The following MANEA variants were observed in gnomAD, a reference collection of about 807,000 sequenced individuals.
MANEA encodes mannosidase endo-alpha.
In MANEA, 25 loss-of-function variants were observed where a neutral mutation model predicts 36.8. That is an observed-to-expected ratio of 0.68 (90% CI 0.50 to 0.95). MANEA has a LOEUF of 0.95. Ranked by LOEUF, MANEA falls within the 40% of genes least tolerant of loss-of-function variation. MANEA has a pLI of 0.00. For synonymous variants in MANEA, 198 were observed against 188.5 expected (o/e 1.05, Z -0.41); for missense variants, 565 against 558.8 (o/e 1.01, Z -0.11).
At chr6:95,584,546 A>G (rs1769244557) in intron 1 of MANEA, among the ~76,000 whole-genome samples, 1 of 152,128 alleles carries the variant, frequency 6.6e-6, no homozygotes, top group Non-Finnish European at 1.5e-5. Flanking sequence ...GTTGTTTAAG[A>G]TGTTTATCAA....
intron 2 of MANEA, 57 bp downstream of exon 2, chr6:95,587,040 A>AT: frequency 9.9e-7 from 1 of 1,011,378 alleles, no homozygotes; most frequent in Non-Finnish European, 1.5e-6. Flanking sequence ...CATATAAATG[A>AT]TTTTTTGTGT....
intron 3 of MANEA, among the ~76,000 whole-genome samples, chr6:95,598,756 A>G (rs1486422110): frequency 6.6e-6 from 1 of 152,280 alleles, no homozygotes; most frequent in African/African-American, 2.4e-5. Flanking sequence ...TTATTCCACA[A>G]TAGCACAATT....
intron 3 of MANEA, among the ~76,000 whole-genome samples, chr6:95,598,606 C>A (rs1259155244): frequency 6.6e-6 from 1 of 151,900 alleles, no homozygotes; most frequent in Non-Finnish European, 1.5e-5. Flanking sequence ...CGTGTTAATA[C>A]TTCTGTCCCA....
chr6:95,586,999 A>G lies in MANEA; in HGVS notation c.544+16A>G, dbSNP rs1455385791. On this transcript the variant is annotated intron_variant, in intron 2 of 4. Coordinates refer to ENST00000358812, the MANE Select transcript of MANEA (RefSeq NM_024641.4). ...GCTTCAATTGGTAATTATTGTATAT[A>G]TATATATGTGTGTTTGTGTCTGTAT... 7.0e-7 allele frequency: 1 copy of G among 1,421,958 alleles called. No individual in the cohort carries two copies. Among genetic ancestry groups the G allele is most frequent in the Non-Finnish European group, 9.7e-7 (1 of 1,026,554 alleles). 88.1% of individuals were successfully genotyped at this position (1,421,958 alleles called of 1,614,324 possible). A position where few individuals can be genotyped will look rare whatever the true frequency, so the allele number is the denominator to read the frequency against.
intron 3 of MANEA, among the ~76,000 whole-genome samples, chr6:95,598,000 CTA>C (rs1377614464): frequency 1.3e-5 from 2 of 151,666 alleles, no homozygotes; most frequent in African/African-American, 2.4e-5. Flanking sequence ...TTATATCAGT[CTA>C]TTTAAAATTT....
At chr6:95,593,991 G>A (rs907230534) in intron 2 of MANEA, among the ~76,000 whole-genome samples, 5 of 152,094 alleles carry the variant, frequency 3.3e-5, no homozygotes, top group Non-Finnish European at 7.4e-5. Flanking sequence ...GAACCTGGGA[G>A]GCGGAGGTTG....
intron 3 of MANEA, among the ~76,000 whole-genome samples, chr6:95,598,105 G>A (rs917957953): frequency 7.2e-5 from 11 of 151,942 alleles, no homozygotes; most frequent in South Asian, 2.1e-4. Context: ...AGAAAAAAAC[G>A]TATAAAAGAT....
chr6:95,596,839 A>G lies in MANEA; in HGVS notation c.647A>G (p.Asn216Ser). ...ATTTTGGATAAAGCTCATAAATATA[A>G]CCTAAAGGTATTTTATTTTATTTTC... ...PTILDKAHKY[N>S]LKVTFHIEPY... The change falls in exon 3 of 5, where the codon AAC becomes AGC. Residue 216 changes from asparagine to serine, a missense_variant. Transcript: ENST00000358812. 1 of 1,474,012 alleles carries G rather than the reference A, an allele frequency of 6.8e-7. No individual in the cohort carries two copies. Among genetic ancestry groups the G allele is most frequent in the East Asian group, 2.3e-5 (1 of 44,052 alleles). 91.3% of individuals were successfully genotyped at this position (1,474,012 alleles called of 1,614,324 possible).
At chr6:95,588,197 GC>G (rs1011436345) in intron 2 of MANEA, 1 of 151,870 alleles carries the variant, frequency 6.6e-6, no homozygotes, top group Non-Finnish European at 1.5e-5. Flanking sequence ...TCTTTTTAGT[GC>G]CCCTACCAGT....
chr6:95,598,499 AG>A (rs1342550054), intron 3 of MANEA, among the ~76,000 whole-genome samples: 1 of 152,214 alleles, frequency 6.6e-6, no homozygotes, highest in Non-Finnish European at 1.5e-5. Context: ...ATGGGCCTCC[AG>A]CTTCACTAGA....
At chr6:95,605,469 A>G (rs1401302600) in intron 4 of MANEA, among the ~76,000 whole-genome samples, 1 of 152,204 alleles carries the variant, frequency 6.6e-6, no homozygotes, top group African/African-American at 2.4e-5. Flanking sequence ...AGTATTATTT[A>G]TAATGTAGAG....
chr6:95,594,377 A>G (rs1447083403), intron 2 of MANEA, among the ~76,000 whole-genome samples: 2 of 152,196 alleles, frequency 1.3e-5, no homozygotes, highest in African/African-American at 2.4e-5. Flanking sequence ...ATATTCTACT[A>G]TACTGCCCTG....
chr6:95,604,061 G>GGGGTGTGTGT (rs369467389), intron 3 of MANEA, among the ~76,000 whole-genome samples: 75 of 138,318 alleles, frequency 5.4e-4, no homozygotes, highest in African/African-American at 9.9e-4. Flanking sequence ...TATGTATGTA[G>GGGGTGTGTGT]GTGTGTGTGT....
intron 1 of MANEA, among the ~76,000 whole-genome samples, chr6:95,582,306 C>T (rs1769198423): frequency 1.3e-5 from 2 of 151,274 alleles, no homozygotes; most frequent in African/African-American, 4.9e-5. Context: ...GCCTCAGCCT[C>T]CCGAGTAGCT....
chr6:95,583,871 A>G (rs1209293116), intron 1 of MANEA, among the ~76,000 whole-genome samples: 1 of 152,188 alleles, frequency 6.6e-6, no homozygotes, highest in African/African-American at 2.4e-5. Flanking sequence ...AATAATTCTT[A>G]TGATTTTAGC....
intron 1 of MANEA, among the ~76,000 whole-genome samples, chr6:95,583,933 T>C (rs1769232121): frequency 6.6e-6 from 1 of 152,154 alleles, no homozygotes; most frequent in South Asian, 2.1e-4. Flanking sequence ...ACATGTAGAA[T>C]AGTGTTGTGG....
chr6:95,606,228 G>C lies in MANEA; in HGVS notation c.1212G>C (p.Glu404Asp), dbSNP rs773309539. Reference sequence around the variant, plus strand: ...TAATTTCTATCACCTCTTTTAATGAGTGGCATGAAGGAACTCAGATTGAAA... The same window carrying C: ...TAATTTCTATCACCTCTTTTAATGACTGGCATGAAGGAACTCAGATTGAAA... ...PSLISITSFN[E>D]WHEGTQIEKA... The change falls in exon 5 of 5, where the codon GAG (glutamate) becomes GAC (aspartate). Residue 404 changes from glutamate (E) to aspartate (D), a missense_variant. Physicochemically the swap from Glu to Asp is conservative, Grantham distance 45. Coordinates refer to ENST00000358812, the MANE Select transcript of MANEA (RefSeq NM_024641.4). 7 of 1,613,924 alleles carry C rather than the reference G, an allele frequency of 4.3e-6. No individual in the cohort carries two copies. Among genetic ancestry groups the C allele is most frequent in the Non-Finnish European group, 5.9e-6 (7 of 1,179,962 alleles).
chr6:95,604,778 T>G, intron 3 of MANEA, 49 bp from the exon 4 acceptor site: 1 of 745,142 alleles, frequency 1.3e-6, no homozygotes. Flanking sequence ...ACTTCTAATT[T>G]TACATTATAG....
At chr6:95,582,109 ATG>A (rs1769194078) in intron 1 of MANEA, among the ~76,000 whole-genome samples, 2 of 24,026 alleles carry the variant, frequency 8.3e-5, no homozygotes, top group Admixed American at 3.2e-4. Context: ...GTTTGTTGTG[ATG>A]TCAATGATTT....
Sources: allele counts gnomAD v4.1 joint callset (sites outside exome capture counted in the v4.1 genomes callset), GRCh38; gene constraint gnomAD v4.1.1; transcripts MANE v1.5; gene names NCBI Gene and HGNC (gene_info 2026-07-23, HGNC 2026-07-21).